The following MAN1A1 variants were observed in gnomAD, a reference collection of about 807,000 sequenced individuals.
MAN1A1 encodes the protein mannosyl-oligosaccharide 1,2-alpha-mannosidase IA.
In MAN1A1, 29 loss-of-function variants were observed where a neutral mutation model predicts 70.8. That is an observed-to-expected ratio of 0.41 (90% CI 0.31 to 0.56). MAN1A1 has a LOEUF of 0.56. MAN1A1 is among the 20% of genes least tolerant of loss of function. The pLI is 0.29. For synonymous variants in MAN1A1, 349 were observed against 330.1 expected (o/e 1.06, Z -0.62); for missense variants, 747 against 841.3 (o/e 0.89, Z 1.39).
At chr6:119,207,726 T>A (rs893856981) in intron 6 of MAN1A1, among the ~76,000 whole-genome samples, 5 of 152,194 alleles carry the variant, frequency 3.3e-5, no homozygotes, top group African/African-American at 1.2e-4. Flanking sequence ...ATGTTTAGAA[T>A]GATGTATGGA....
At chr6:119,287,932 A>C (rs1776422452) in intron 5 of MAN1A1, among the ~76,000 whole-genome samples, 4 of 151,994 alleles carry the variant, frequency 2.6e-5, no homozygotes, top group Admixed American at 2.6e-4. Flanking sequence ...TGAGCTTCTT[A>C]TATAGCATTT....
intron 2 of MAN1A1, chr6:119,331,972 G>A (rs748524348): frequency 3.9e-6 from 2 of 510,338 alleles, no homozygotes; most frequent in South Asian, 2.9e-5. Flanking sequence ...TCGACCCTGG[G>A]CAATTTGCTT....
At chr6:119,242,403 T>C (rs757460602) in intron 6 of MAN1A1, among the ~76,000 whole-genome samples, 3 of 152,108 alleles carry the variant, frequency 2.0e-5, no homozygotes, top group Non-Finnish European at 2.9e-5. Context: ...ATAAACCACA[T>C]TGAGACATTC....
At chr6:119,268,412 C>G (rs540191521) in intron 5 of MAN1A1, among the ~76,000 whole-genome samples, 55 of 152,114 alleles carry the variant, frequency 3.6e-4, no homozygotes, top group Admixed American at 9.8e-4. Flanking sequence ...TGTAAAACAG[C>G]AAGCTCATAC....
At chr6:119,314,928 C>T (rs144221688) in intron 2 of MAN1A1, among the ~76,000 whole-genome samples, 28 of 152,158 alleles carry the variant, frequency 1.8e-4, no homozygotes, top group African/African-American at 4.1e-4. Context: ...TTGTCCTATT[C>T]GACCTGGCCT....
At chr6:119,337,396 C>T (rs1407436819) in intron 2 of MAN1A1, among the ~76,000 whole-genome samples, 1 of 152,218 alleles carries the variant, frequency 6.6e-6, no homozygotes, top group African/African-American at 2.4e-5. Context: ...ACCTGAGTAA[C>T]TCCTGTAGGC....
At chr6:119,297,959 T>C (rs932832815) in intron 4 of MAN1A1, among the ~76,000 whole-genome samples, 3 of 151,952 alleles carry the variant, frequency 2.0e-5, no homozygotes, top group Non-Finnish European at 4.4e-5. Context: ...CAAATAGTAG[T>C]TGACCTCTTT....
intron 6 of MAN1A1, among the ~76,000 whole-genome samples, chr6:119,215,994 G>C (rs1774190216): frequency 6.6e-6 from 1 of 152,130 alleles, no homozygotes; most frequent in Non-Finnish European, 1.5e-5. Context: ...TGAAGACCTG[G>C]GAGTGGCTCT....
At chr6:119,349,320 T>C in intron 1 of MAN1A1, 33 bp from the exon 2 acceptor site, 1 of 1,169,868 alleles carries the variant, frequency 8.5e-7, no homozygotes, top group Non-Finnish European at 1.1e-6. Flanking sequence ...ACGTAGTAAT[T>C]ACGGCGATGA....
intron 8 of MAN1A1, among the ~76,000 whole-genome samples, chr6:119,196,716 C>T (rs888701849): frequency 2.0e-5 from 3 of 152,142 alleles, no homozygotes; most frequent in African/African-American, 7.2e-5. Flanking sequence ...TTAAAATACT[C>T]AATATCTCCC....
rs376133954 is a variant in MAN1A1, at chr6:119,349,673, G to A, written c.-354C>T. The stretch of plus-strand genomic sequence containing the variant: ...TGTCCCACGGTCCCGCAGCCCCGGC[G>A]CGGCTCAGGTGGGCGAGCGCGCCGA... On this transcript the variant is annotated 5_prime_UTR_variant, in exon 1 of 13. Coordinates refer to ENST00000368468, the MANE Select transcript of MAN1A1 (RefSeq NM_005907.4). The A allele has an allele frequency of 7.1e-6, 7 of 985,882 alleles. No homozygotes were observed. In the South Asian group the frequency reaches 3.3e-4, roughly 46 times the overall value. The allele number at this position is 985,882 out of a possible 1,614,324, so 61.1% of individuals were successfully genotyped here.
intron 2 of MAN1A1, among the ~76,000 whole-genome samples, chr6:119,347,424 A>G (rs961916808): frequency 7.9e-5 from 12 of 152,330 alleles, no homozygotes; most frequent in African/African-American, 2.9e-4. Flanking sequence ...ACTTCCATTC[A>G]TATTTTAGAA....
chr6:119,247,660 A>G (rs551063522), intron 6 of MAN1A1, among the ~76,000 whole-genome samples: 2 of 152,168 alleles, frequency 1.3e-5, no homozygotes, highest in Admixed American at 6.5e-5. Context: ...GTCTTTTCCA[A>G]TTGGAGCCAC....
intron 6 of MAN1A1, among the ~76,000 whole-genome samples, chr6:119,206,225 C>A (rs1055368793): frequency 2.6e-5 from 4 of 152,282 alleles, no homozygotes; most frequent in Admixed American, 2.6e-4. Flanking sequence ...GCTGGAAGGA[C>A]AGGTTGGAGC....
intron 6 of MAN1A1, among the ~76,000 whole-genome samples, chr6:119,245,816 T>C (rs1033206865): frequency 6.6e-6 from 1 of 152,182 alleles, no homozygotes; most frequent in Non-Finnish European, 1.5e-5. Context: ...TGACACATTA[T>C]TTTTCACCAC....
chr6:119,221,135 T>A (rs547847173), intron 6 of MAN1A1, among the ~76,000 whole-genome samples: 2 of 151,008 alleles, frequency 1.3e-5, no homozygotes, highest in African/African-American at 2.4e-5. Context: ...TTTCTGAGCA[T>A]AAAATAAATT....
intron 12 of MAN1A1, 55 bp downstream of exon 12, chr6:119,180,257 A>G: frequency 8.3e-7 from 1 of 1,197,922 alleles, no homozygotes; most frequent in Non-Finnish European, 1.2e-6. Flanking sequence ...AAAGACATCT[A>G]CAAAGATCTG....
chr6:119,321,801 T>C (rs926043836), intron 2 of MAN1A1, among the ~76,000 whole-genome samples: 12 of 151,948 alleles, frequency 7.9e-5, no homozygotes, highest in Non-Finnish European at 1.3e-4. Context: ...GTATTTTTAG[T>C]AGGGACAGGA....
At chr6:119,228,554 T>C (rs1208761441) in intron 6 of MAN1A1, among the ~76,000 whole-genome samples, 2 of 152,144 alleles carry the variant, frequency 1.3e-5, no homozygotes, top group East Asian at 3.8e-4. Context: ...TCTATGACTA[T>C]ACATCCTAAA....
Sources: allele counts gnomAD v4.1 joint callset (sites outside exome capture counted in the v4.1 genomes callset), GRCh38; gene constraint gnomAD v4.1.1; transcripts MANE v1.5; gene names NCBI Gene and HGNC (gene_info 2026-07-23, HGNC 2026-07-21).